LRRC69: variants seen among roughly 807,000 people sequenced by gnomAD.
The protein encoded by LRRC69 is leucine-rich repeat-containing protein 69.
A neutral mutation model predicts 37.8 loss-of-function variants in LRRC69; 42 were observed. That is an observed-to-expected ratio of 1.11 (90% CI 0.87 to 1.44). The LOEUF is 1.44. Ranked by LOEUF, LRRC69 falls within the 40% of genes most tolerant of loss-of-function variation. The pLI, the probability that LRRC69 is intolerant of heterozygous loss-of-function variation, is 0.00. For synonymous variants in LRRC69, 141 were observed against 143.1 expected, an observed-to-expected ratio of 0.99 and a Z score of 0.11; for missense variants, 357 against 401.9, an observed-to-expected ratio of 0.89 and a Z score of 0.96.
At chr8:91,174,981 A>C (rs1031346905) in intron 5 of LRRC69, among the ~76,000 whole-genome samples, 8 of 152,128 alleles carry the variant, frequency 5.3e-5, no homozygotes, top group East Asian at 3.9e-4. Flanking sequence ...GACATTTTGC[A>C]AAGGATAATT....
chr8:91,118,611 C>T (rs34548877), intron 1 of LRRC69: 93,932 of 187,034 alleles, frequency 0.5, 25,932 homozygotes, highest in South Asian at 0.71. Context: ...GTCTTTCAAT[C>T]TATAGCAATC....
At chr8:91,197,127 G>T (rs1320203625) in intron 6 of LRRC69, among the ~76,000 whole-genome samples, 2 of 152,102 alleles carry the variant, frequency 1.3e-5, no homozygotes, top group African/African-American at 2.4e-5. Flanking sequence ...TGCCCCTGCT[G>T]GGGGGTGCCT....
chr8:91,156,535 C>T (rs1294025518), intron 5 of LRRC69, among the ~76,000 whole-genome samples: 1 of 150,972 alleles, frequency 6.6e-6, no homozygotes, highest in Non-Finnish European at 1.5e-5. Context: ...TCTCTTCACT[C>T]AGTTGATTGT....
chr8:91,176,134 A>ATATATATATATATTTTTTTTT, intron 5 of LRRC69, among the ~76,000 whole-genome samples: 27 of 75,680 alleles, frequency 3.6e-4, no homozygotes, highest in East Asian at 1.4e-3. Flanking sequence ...ATATATATAT[A>ATATATATATATATTTTTTTTT]TTTTTTTTTT....
chr8:91,170,885 G>A (rs1250370894), intron 5 of LRRC69, among the ~76,000 whole-genome samples: 1 of 135,336 alleles, frequency 7.4e-6, no homozygotes, highest in African/African-American at 2.8e-5. Flanking sequence ...GGCAACAAAA[G>A]CCAAAATTGA....
At chr8:91,151,539 G>A (rs4422739) in intron 5 of LRRC69, among the ~76,000 whole-genome samples, 102,874 of 151,292 alleles carry the variant, frequency 0.68, 35,499 homozygotes, top group Middle Eastern at 0.74. Flanking sequence ...AATCCAGTCT[G>A]TCATTGATGG....
At chr8:91,212,262 C>A (rs1347196990) in intron 7 of LRRC69, among the ~76,000 whole-genome samples, 1 of 152,030 alleles carries the variant, frequency 6.6e-6, no homozygotes. Context: ...AAATTCTTTC[C>A]AAACACTTGA....
intron 5 of LRRC69, among the ~76,000 whole-genome samples, chr8:91,160,176 G>T (rs1434139287): frequency 7.2e-6 from 1 of 138,550 alleles, no homozygotes. Flanking sequence ...TTTTCTTGAT[G>T]AATTATTTAT....
intron 1 of LRRC69, among the ~76,000 whole-genome samples, chr8:91,122,864 G>A (rs1214168010): frequency 6.6e-6 from 1 of 152,054 alleles, no homozygotes; most frequent in Non-Finnish European, 1.5e-5. Context: ...TCCTCTGAAT[G>A]TGTTAGGTTA....
chr8:91,111,409 A>G lies in LRRC69; in HGVS notation c.183+8565A>G, dbSNP rs192161976. Among the ~76,000 whole-genome samples, 268 of 151,906 alleles carry G rather than the reference A, an allele frequency of 1.8e-3. 1 individual carries two copies. Among genetic ancestry groups the G allele is most frequent in the African/African-American group, 6.2e-3 (257 of 41,486 alleles). ...ATTAGTTGGGCACAGTGGCAGGCGCATGTAATCCCAGCTACTCGGGAGGCT... is the reference window on the plus strand; with the variant it reads ...ATTAGTTGGGCACAGTGGCAGGCGCGTGTAATCCCAGCTACTCGGGAGGCT... On this transcript the variant is annotated intron_variant, in intron 1 of 7. Coordinates refer to ENST00000448384, the Ensembl canonical transcript of LRRC69.
intron 5 of LRRC69, among the ~76,000 whole-genome samples, chr8:91,147,334 A>G (rs1808641125): frequency 6.7e-6 from 1 of 149,104 alleles, no homozygotes; most frequent in African/African-American, 2.4e-5. Flanking sequence ...TGATATATCT[A>G]TTTTCACTGC....
At chr8:91,200,992 A>G (rs1185602790) in intron 7 of LRRC69, among the ~76,000 whole-genome samples, 200 bp downstream of exon 7, 2 of 152,188 alleles carry the variant, frequency 1.3e-5, no homozygotes, top group African/African-American at 4.8e-5. Flanking sequence ...TAGACTCCCA[A>G]ATTTATCAAA....
chr8:91,156,925 G>T (rs531473915), intron 5 of LRRC69, among the ~76,000 whole-genome samples: 1 of 151,322 alleles, frequency 6.6e-6, no homozygotes, highest in Non-Finnish European at 1.5e-5. Flanking sequence ...TCAGTTGACT[G>T]TAAATATATG....
chr8:91,190,484 A>G (rs1809475566), intron 6 of LRRC69, among the ~76,000 whole-genome samples: 1 of 152,168 alleles, frequency 6.6e-6, no homozygotes, highest in South Asian at 2.1e-4. Flanking sequence ...TTAATGCTCT[A>G]TGACATTTAT....
At chr8:91,199,206 AATC>A (rs986143063) in intron 6 of LRRC69, among the ~76,000 whole-genome samples, 4 of 152,224 alleles carry the variant, frequency 2.6e-5, no homozygotes, top group Middle Eastern at 3.2e-3. Context: ...TTTATTTAAG[AATC>A]ACAAGCTATG....
chr8:91,192,630 T>G (rs539604188), intron 6 of LRRC69, among the ~76,000 whole-genome samples: 1,945 of 152,290 alleles, frequency 0.013, 48 homozygotes, highest in African/African-American at 0.045. Context: ...GTTTTTTGGC[T>G]GCATAAATGT....
chr8:91,134,854 A>T (rs1813880974), intron 4 of LRRC69, among the ~76,000 whole-genome samples: 1 of 151,978 alleles, frequency 6.6e-6, no homozygotes, highest in Non-Finnish European at 1.5e-5. Flanking sequence ...ACCCTTCGTA[A>T]CACTTCTCAT....
At chr8:91,208,982 C>T (rs1419933075) in intron 7 of LRRC69, among the ~76,000 whole-genome samples, 1 of 152,172 alleles carries the variant, frequency 6.6e-6, no homozygotes, top group Non-Finnish European at 1.5e-5. Flanking sequence ...TGCTCTCTTA[C>T]TCTAATATGG....
At chr8:91,176,009 A>G (rs1352347616) in intron 5 of LRRC69, among the ~76,000 whole-genome samples, 1 of 151,102 alleles carries the variant, frequency 6.6e-6, no homozygotes, top group Admixed American at 6.6e-5. Context: ...TCTCTATTAC[A>G]GAATTTATTT....
Sources: allele counts gnomAD v4.1 joint callset (sites outside exome capture counted in the v4.1 genomes callset), GRCh38; gene constraint gnomAD v4.1.1; transcripts MANE v1.5; gene names NCBI Gene and HGNC (gene_info 2026-07-23, HGNC 2026-07-21).